Variants in PARP8 observed in about 807,000 individuals in gnomAD.
PARP8 encodes poly(ADP-ribose) polymerase family member 8.
A neutral mutation model predicts 124.1 loss-of-function variants in PARP8; 51 were observed. The ratio of observed to expected loss-of-function variants is 0.41; its 90% confidence interval spans 0.33 to 0.52. The LOEUF is 0.52. Ranked by LOEUF, PARP8 falls within the 20% of genes least tolerant of loss-of-function variation. The probability of loss-of-function intolerance (pLI) is 0.21; values close to 1 mark genes in which losing one functional copy is unlikely to be tolerated. For synonymous variants in PARP8, 391 were observed against 361.5 expected, an observed-to-expected ratio of 1.08 and a Z score of -0.93; for missense variants, 860 against 1,018.9, an observed-to-expected ratio of 0.84 and a Z score of 2.12.
chr5:50,834,738 TA>T, intron 24 of PARP8, 192 bp from the exon 25 acceptor site: 1 of 600,678 alleles, frequency 1.7e-6, no homozygotes, highest in Non-Finnish European at 3.0e-6. Flanking sequence ...ATTCAAATTA[TA>T]AAGTTGTTAC....
intron 7 of PARP8, among the ~76,000 whole-genome samples, chr5:50,765,583 C>G (rs12521579): frequency 0.11 from 17,180 of 152,142 alleles, 1,007 homozygotes; most frequent in South Asian, 0.16. Context: ...TCCCCTTAAC[C>G]CTTTTCACTT....
intron 18 of PARP8, among the ~76,000 whole-genome samples, chr5:50,826,242 A>AT (rs1373655594): frequency 2.0e-5 from 3 of 151,798 alleles, no homozygotes; most frequent in Admixed American, 1.3e-4. Flanking sequence ...CTTCAATTTA[A>AT]TTTTTTTCAA....
intron 4 of PARP8, 46 bp from the exon 5 acceptor site, chr5:50,760,246 G>A (rs1454460166): frequency 3.6e-6 from 5 of 1,374,998 alleles, no homozygotes; most frequent in Admixed American, 5.0e-5. Context: ...TTGGTAAATA[G>A]CATACTAAGT....
chr5:50,722,133 G>A (rs1337571084), intron 2 of PARP8, among the ~76,000 whole-genome samples: 1 of 152,056 alleles, frequency 6.6e-6, no homozygotes, highest in Non-Finnish European at 1.5e-5. Context: ...GCTGGACTGA[G>A]TAGTTGTTTT....
At chr5:50,665,974 A>G (rs2112154162), upstream of PARP8, 1 of 152,380 alleles carries the variant, frequency 6.6e-6, no homozygotes, top group Non-Finnish European at 1.5e-5. Flanking sequence ...TTAAAAATCA[A>G]GCCAAACAGG....
intron 11 of PARP8, 90 bp downstream of exon 11, chr5:50,794,422 A>T (rs1166294880): frequency 1.4e-6 from 2 of 1,442,490 alleles, no homozygotes; most frequent in Non-Finnish European, 1.9e-6. Flanking sequence ...TAGTGTTGGC[A>T]TCTGTTTATT....
Position 50,784,220 on chromosome 5 carries a change from C to A in PARP8, c.671-4303C>A, listed in dbSNP as rs1740988906. On this transcript the variant is annotated intron_variant, in intron 9 of 25. Transcript: ENST00000281631. Reference sequence around the variant, plus strand: ...AATGTATAAATAACAGTTATTTAAACATCAATATTTGGCTACAGCTAATCT... The same window carrying A: ...AATGTATAAATAACAGTTATTTAAAAATCAATATTTGGCTACAGCTAATCT... Among the ~76,000 whole-genome samples the A allele has an allele frequency of 2.6e-5, 4 of 152,080 alleles. No individual in the cohort carries two copies. In the South Asian group the frequency reaches 8.3e-4, roughly 32 times the overall value.
chr5:50,784,225 A>G (rs1424298851), intron 9 of PARP8, among the ~76,000 whole-genome samples: 1 of 152,162 alleles, frequency 6.6e-6, no homozygotes, highest in Non-Finnish European at 1.5e-5. Flanking sequence ...TTAAACATCA[A>G]TATTTGGCTA....
At chr5:50,777,887 A>G (rs1740215854) in intron 7 of PARP8, among the ~76,000 whole-genome samples, 182 bp from the exon 8 acceptor site, 1 of 152,224 alleles carries the variant, frequency 6.6e-6, no homozygotes, top group African/African-American at 2.4e-5. Context: ...AATGTGGTAT[A>G]AACAGAAAAA....
chr5:50,719,170 C>T (rs1337617131), intron 2 of PARP8, among the ~76,000 whole-genome samples: 1 of 151,900 alleles, frequency 6.6e-6, no homozygotes. Context: ...ATTTGACTTT[C>T]TTTATTGAGT....
intron 14 of PARP8, among the ~76,000 whole-genome samples, chr5:50,807,214 T>C (rs866852813): frequency 6.6e-6 from 1 of 152,022 alleles, no homozygotes; most frequent in Non-Finnish European, 1.5e-5. Context: ...TAGGTTAGCA[T>C]GTCGCACTCT....
At chr5:50,755,318 A>G (rs1376994267) in intron 3 of PARP8, among the ~76,000 whole-genome samples, 1 of 152,152 alleles carries the variant, frequency 6.6e-6, no homozygotes, top group East Asian at 1.9e-4. Context: ...TGTTAGGTCT[A>G]ACATTTAAGT....
rs373780776 is a variant in PARP8, at chr5:50,794,849, G to C, written c.864-4G>C. The C allele has an allele frequency of 2.7e-5, 44 of 1,609,160 alleles. No individual in the cohort carries two copies. The highest frequency in any genetic ancestry group is 3.4e-6 in the Non-Finnish European group (4 of 1,177,080). The stretch of plus-strand genomic sequence containing the variant: ...CCTGTAGTAATTGTTGTTCAATTTT[G>C]AAGGTCGCCAAGTTATCCTCCCCCT... On this transcript the variant is annotated splice_region_variant and splice_polypyrimidine_tract_variant and intron_variant, in intron 11 of 25. Transcript: ENST00000281631.
chr5:50,779,755 G>A (rs1580316669), intron 9 of PARP8, among the ~76,000 whole-genome samples: 1 of 152,148 alleles, frequency 6.6e-6, no homozygotes, highest in Admixed American at 6.5e-5. Context: ...ATGTCTGCAT[G>A]TTTTTCCTTT....
At chr5:50,820,924 G>A (rs1745693492) in intron 15 of PARP8, among the ~76,000 whole-genome samples, 1 of 152,208 alleles carries the variant, frequency 6.6e-6, no homozygotes, top group Non-Finnish European at 1.5e-5. Flanking sequence ...GGACTTGTCT[G>A]TCTTGTGCCT....
intron 3 of PARP8, among the ~76,000 whole-genome samples, chr5:50,755,609 T>G (rs970471656): frequency 2.6e-5 from 4 of 152,208 alleles, no homozygotes; most frequent in African/African-American, 9.6e-5. Flanking sequence ...TGAAGTCAGG[T>G]AGTTTGATGC....
chr5:50,726,803 A>G (rs1756474484), intron 2 of PARP8, among the ~76,000 whole-genome samples: 1 of 152,146 alleles, frequency 6.6e-6, no homozygotes, highest in African/African-American at 2.4e-5. Context: ...CTCATGCTAC[A>G]GGCCATTCTG....
At chr5:50,798,555 G>A (rs1211577549) in intron 14 of PARP8, among the ~76,000 whole-genome samples, 1 of 151,710 alleles carries the variant, frequency 6.6e-6, no homozygotes, top group Non-Finnish European at 1.5e-5. Flanking sequence ...CTAGTAGCTG[G>A]GACTACAGGC....
At chr5:50,808,537 A>G (rs693082) in intron 14 of PARP8, among the ~76,000 whole-genome samples, 102,690 of 151,754 alleles carry the variant, frequency 0.68, 36,781 homozygotes, top group African/African-American at 0.92. Flanking sequence ...TGAAAGATTT[A>G]GGGGCTTCAA....
Sources: gnomAD v4.1 joint callset for allele counts (sites outside exome capture counted in the v4.1 genomes callset) on GRCh38, gnomAD v4.1.1 for gene constraint, MANE v1.5 for transcripts, NCBI Gene and HGNC (gene_info 2026-07-23, HGNC 2026-07-21) for gene names.